Variants in MACROD2 observed in about 807,000 individuals in gnomAD.
MACROD2 encodes mono-ADP ribosylhydrolase 2.
In MACROD2, 36 loss-of-function variants were observed where a neutral mutation model predicts 70.4. The observed-to-expected ratio is 0.51, with a 90% CI of 0.39 to 0.68. MACROD2 has a LOEUF of 0.68. Ranked by LOEUF, MACROD2 falls within the 30% of genes least tolerant of loss-of-function variation. MACROD2 has a pLI of 0.00. For missense variants in MACROD2, 496 were observed against 538.4 expected, an observed-to-expected ratio of 0.92 and a Z score of 0.78; for synonymous variants, 172 against 178.8, an observed-to-expected ratio of 0.96 and a Z score of 0.30.
intron 5 of MACROD2, among the ~76,000 whole-genome samples, chr20:14,883,868 A>C (rs946515779): frequency 3.9e-5 from 6 of 152,186 alleles, no homozygotes; most frequent in African/African-American, 1.4e-4. Flanking sequence ...ACCCTACCAC[A>C]AGCTCAACTT....
chr20:14,839,006 T>C (rs369821046), intron 5 of MACROD2, among the ~76,000 whole-genome samples: 55 of 152,068 alleles, frequency 3.6e-4, no homozygotes, highest in African/African-American at 1.1e-3. Context: ...GGAAGAAAGC[T>C]ATCTCGAAAC....
intron 4 of MACROD2, among the ~76,000 whole-genome samples, chr20:14,516,070 CAAAT>C (rs886671248): frequency 6.7e-5 from 10 of 148,260 alleles, no homozygotes; most frequent in Non-Finnish European, 1.0e-4. Flanking sequence ...CATTATCTCT[CAAAT>C]AAATAAATAA....
At chr20:14,024,337 A>G (rs1020655303) in intron 2 of MACROD2, among the ~76,000 whole-genome samples, 1 of 152,246 alleles carries the variant, frequency 6.6e-6, no homozygotes, top group Non-Finnish European at 1.5e-5. Context: ...ATCTGCAAAC[A>G]GAGACAATTT....
intron 4 of MACROD2, among the ~76,000 whole-genome samples, chr20:14,567,201 G>A (rs1283560360): frequency 9.2e-5 from 14 of 151,926 alleles, no homozygotes; most frequent in Admixed American, 9.2e-4. Flanking sequence ...ATGTATAAAT[G>A]ATGTGCACTG....
chr20:14,146,604 T>C (rs2054946518), intron 3 of MACROD2, among the ~76,000 whole-genome samples: 1 of 152,202 alleles, frequency 6.6e-6, no homozygotes, highest in African/African-American at 2.4e-5. Context: ...ACTGATATTT[T>C]ATCCTCTGGA....
chr20:14,959,829 A>C (rs2074568175), intron 5 of MACROD2, among the ~76,000 whole-genome samples: 1 of 152,170 alleles, frequency 6.6e-6, no homozygotes, highest in Non-Finnish European at 1.5e-5. Flanking sequence ...TAGACCCTCC[A>C]GCTCTTTGGC....
intron 4 of MACROD2, among the ~76,000 whole-genome samples, chr20:14,573,626 G>A (rs930826443): frequency 1.3e-5 from 2 of 151,662 alleles, no homozygotes; most frequent in Non-Finnish European, 2.9e-5. Context: ...CTTTATTCAG[G>A]TGTTCCTTCT....
chr20:14,550,854 G>A (rs2123260257), intron 4 of MACROD2, among the ~76,000 whole-genome samples: 1 of 147,260 alleles, frequency 6.8e-6, no homozygotes, highest in Admixed American at 7.0e-5. Context: ...GTGTTGACTG[G>A]AGATTTGCAT....
chr20:14,399,355 G>C (rs556322157), intron 3 of MACROD2, among the ~76,000 whole-genome samples: 2 of 151,942 alleles, frequency 1.3e-5, no homozygotes, highest in African/African-American at 4.8e-5. Flanking sequence ...AAATATTAAC[G>C]TCTATGTTGA....
chr20:16,022,047 C>CTTTT lies in MACROD2; in HGVS notation c.1154-19136_1154-19133dup, dbSNP rs543662575. On this transcript the variant is annotated intron_variant, in intron 15 of 17. Coordinates refer to ENST00000684519, the MANE Select transcript of MACROD2 (RefSeq NM_001351661.2). Reference sequence around the variant, plus strand: ...AATACTGCTCCCAAAGTTTCAGTTTCTTTTTTTTTTTTTTTTTTTTTGAGA... The same window carrying CTTTT: ...AATACTGCTCCCAAAGTTTCAGTTTCTTTTTTTTTTTTTTTTTTTTTTTTTGAGA... 2.5e-3 allele frequency among the ~76,000 whole-genome samples: 274 copies of CTTTT among 108,908 alleles called. 1 individual carries two copies. Among genetic ancestry groups the CTTTT allele is most frequent in the East Asian group, 4.7e-3 (17 of 3,626 alleles). The allele number at this position is 108,908 out of a possible 152,430, so 71.4% of individuals were successfully genotyped here.
chr20:14,050,052 C>T (rs567286516), intron 2 of MACROD2, among the ~76,000 whole-genome samples: 1 of 150,866 alleles, frequency 6.6e-6, no homozygotes, highest in South Asian at 2.1e-4. Flanking sequence ...CACCATTGCA[C>T]TCCAGCCTGG....
chr20:15,797,445 A>G (rs1349398674), intron 8 of MACROD2, among the ~76,000 whole-genome samples: 2 of 152,150 alleles, frequency 1.3e-5, no homozygotes, highest in African/African-American at 4.8e-5. Flanking sequence ...TAGTGACCCC[A>G]TGGTTACAAA....
rs1427668832 is a variant in MACROD2 at position 14,954,661 on chromosome 20, A to T, written c.418+269702A>T. Among the ~76,000 whole-genome samples the T allele has an allele frequency of 1.8e-4, 23 of 128,464 alleles. No homozygotes were observed. The South Asian group carries it at 5.2e-3, about 29-fold the overall frequency. 84.3% of individuals were successfully genotyped at this position (128,464 alleles called of 152,430 possible). A position where few individuals can be genotyped will look rare whatever the true frequency, so the allele number is the denominator to read the frequency against. On this transcript the variant is annotated intron_variant, in intron 5 of 17. Coordinates refer to ENST00000684519, the MANE Select transcript of MACROD2 (RefSeq NM_001351661.2). The stretch of plus-strand genomic sequence containing the variant: ...ATATATAATATATATAATTTAGGTA[A>T]ATATACATATAATATATTTATATTT...
intron 5 of MACROD2, among the ~76,000 whole-genome samples, chr20:15,154,356 A>G (rs1206414343): frequency 1.3e-5 from 2 of 152,162 alleles, no homozygotes; most frequent in Non-Finnish European, 2.9e-5. Flanking sequence ...CTGACTGGAG[A>G]GAAGCTGACA....
At chr20:14,418,928 T>G (rs144541902) in intron 3 of MACROD2, among the ~76,000 whole-genome samples, 32 of 152,330 alleles carry the variant, frequency 2.1e-4, no homozygotes, top group African/African-American at 7.7e-4. Context: ...GGAGTTCTTA[T>G]CTTGGACAAC....
intron 3 of MACROD2, among the ~76,000 whole-genome samples, chr20:14,370,183 A>T (rs907410316): frequency 1.3e-5 from 2 of 152,208 alleles, no homozygotes; most frequent in African/African-American, 4.8e-5. Flanking sequence ...AGGAGGTAAG[A>T]AATAATTTTG....
At chr20:14,793,181 TTGTG>T (rs143506356) in intron 5 of MACROD2, among the ~76,000 whole-genome samples, 1 of 150,930 alleles carries the variant, frequency 6.6e-6, no homozygotes, top group African/African-American at 2.4e-5. Flanking sequence ...TTCCCTGTAC[TTGTG>T]TGTGTGTGTG....
At chr20:16,007,663 C>T (rs1428335434) in intron 15 of MACROD2, among the ~76,000 whole-genome samples, 2 of 152,110 alleles carry the variant, frequency 1.3e-5, no homozygotes, top group African/African-American at 2.4e-5. Context: ...ACTGAAATTA[C>T]AGGAATTAAG....
Position 14,522,621 on chromosome 20 carries a change from G to A in MACROD2, c.301+29113G>A, listed in dbSNP as rs183749566. Among the ~76,000 whole-genome samples the A allele has an allele frequency of 3.9e-5, 6 of 152,302 alleles. No individual in the cohort carries two copies. The East Asian group carries it at 5.8e-4, about 15-fold the overall frequency. ...GTCAAATTCATTTTCTCTCCAACAG[G>A]CCTTTTGGTTTCTTAAAACTCTCCG... On this transcript the variant is annotated intron_variant, in intron 4 of 17. Coordinates refer to ENST00000684519, the MANE Select transcript of MACROD2 (RefSeq NM_001351661.2).
Sources: allele counts gnomAD v4.1 joint callset (sites outside exome capture counted in the v4.1 genomes callset), GRCh38; gene constraint gnomAD v4.1.1; transcripts MANE v1.5; gene names NCBI Gene and HGNC (gene_info 2026-07-23, HGNC 2026-07-21).